Variants in RBFOX1 observed in about 807,000 individuals in gnomAD.
The protein encoded by RBFOX1 is RNA binding protein fox-1 homolog 1.
RBFOX1 carries 8 observed loss-of-function variants against 57.7 expected under a neutral mutation model. The observed-to-expected ratio is 0.14, with a 90% CI of 0.08 to 0.25. RBFOX1 has a LOEUF of 0.25. Among genes scored for constraint, RBFOX1 ranks in the 10% least tolerant of loss-of-function variants. The probability of loss-of-function intolerance (pLI) is 1.00; values close to 1 mark genes in which losing one functional copy is unlikely to be tolerated. For missense variants in RBFOX1, 611 were observed against 548.5 expected (o/e 1.11, Z -1.14); for synonymous variants, 326 against 222.4 (o/e 1.47, Z -4.15).
At chr16:7,679,822 G>A (rs1597917919) in intron 14 of RBFOX1, among the ~76,000 whole-genome samples, 1 of 152,008 alleles carries the variant, frequency 6.6e-6, no homozygotes, top group Non-Finnish European at 1.5e-5. Context: ...AGACCATCTG[G>A]TGTGGGCAGA....
rs562474272 is a variant in RBFOX1, at chr16:7,346,198, G to T, written c.28-171949G>T. On this transcript the variant is annotated intron_variant, in intron 4 of 15. Transcript: ENST00000550418. ...ATGCATAGTATTCCATGGTGTATATGTGCGACATTTTCTTAATCCAGTCTG... is the reference window on the plus strand; with the variant it reads ...ATGCATAGTATTCCATGGTGTATATTTGCGACATTTTCTTAATCCAGTCTG... 4.6e-5 allele frequency among the ~76,000 whole-genome samples: 7 copies of T among 152,198 alleles called. No individual in the cohort carries two copies. The East Asian group carries it at 1.4e-3, about 30-fold the overall frequency.
chr16:6,650,809 C>T (rs1030409750), intron 2 of RBFOX1, among the ~76,000 whole-genome samples: 2 of 152,142 alleles, frequency 1.3e-5, no homozygotes, highest in African/African-American at 4.8e-5. Context: ...GATGCATCCG[C>T]AGAGAAAACC....
chr16:5,405,173 A>G (rs1189660381), intron 1 of RBFOX1, among the ~76,000 whole-genome samples: 1 of 152,174 alleles, frequency 6.6e-6, no homozygotes, highest in Non-Finnish European at 1.5e-5. Context: ...TGGTGTGCCC[A>G]GGGTGGGCCA....
chr16:6,019,763 C>T lies in RBFOX1; in HGVS notation c.-356C>T. 1 of 1,404,536 alleles carries T rather than the reference C, an allele frequency of 7.1e-7. No individual in the cohort carries two copies. The highest frequency in any genetic ancestry group is 9.3e-7 in the Non-Finnish European group (1 of 1,078,456). The allele number at this position is 1,404,536 out of a possible 1,614,324, so 87.0% of individuals were successfully genotyped here. A position where few individuals can be genotyped will look rare whatever the true frequency, so the allele number is the denominator to read the frequency against. On this transcript the variant is annotated 5_prime_UTR_variant, in exon 1 of 16. Transcript: ENST00000550418. This position sits in a 1 kb window ranked among gnomAD's most constrained non-coding sequence, Gnocchi z 4.2. ...AGAGTCCTTGCGCTCCAGACCCCCA[C>T]CCAGTGGCCGCCAGGGTCCCCGCCT...
chr16:7,416,879 C>T (rs2098483251), intron 4 of RBFOX1, among the ~76,000 whole-genome samples: 1 of 152,106 alleles, frequency 6.6e-6, no homozygotes, highest in African/African-American at 2.4e-5. Flanking sequence ...TCCCCGACAA[C>T]AACCCTCTGA....
chr16:6,853,668 C>G (rs2057266057), intron 3 of RBFOX1, among the ~76,000 whole-genome samples: 2 of 152,254 alleles, frequency 1.3e-5, no homozygotes, highest in South Asian at 4.1e-4. Context: ...TGTATGGAGG[C>G]TAATTTGTGA....
At chr16:7,333,127 G>T (rs772817952) in intron 4 of RBFOX1, 2 of 1,566,634 alleles carry the variant, frequency 1.3e-6, no homozygotes, top group East Asian at 2.2e-5. Context: ...CTTAACTCCA[G>T]AGTGCTCAGA....
chr16:7,417,772 G>C lies in RBFOX1; in HGVS notation c.28-100375G>C, dbSNP rs149798933. Among the ~76,000 whole-genome samples the C allele has an allele frequency of 4.3e-3, 650 of 152,218 alleles. 4 individuals carry two copies. Among genetic ancestry groups the C allele is most frequent in the South Asian group, 0.016 (78 of 4,824 alleles). On this transcript the variant is annotated intron_variant, in intron 4 of 15. Transcript: ENST00000550418. ...ATGCTATATAAAAAGTATGTGAAAG[G>C]CTTCATGTTGGTCACCCTCTGTGCA...
chr16:6,585,782 TTTTC>T (rs1441658775), intron 2 of RBFOX1, among the ~76,000 whole-genome samples: 1 of 152,188 alleles, frequency 6.6e-6, no homozygotes, highest in Non-Finnish European at 1.5e-5. Context: ...AATTTAGTTT[TTTTC>T]TTCTTTCTTT....
At chr16:5,481,812 G>C (rs961429755) in intron 2 of RBFOX1, among the ~76,000 whole-genome samples, 1 of 152,306 alleles carries the variant, frequency 6.6e-6, no homozygotes, top group South Asian at 2.1e-4. Flanking sequence ...GTGGCTTGTA[G>C]ATGATCTGCC....
At chr16:7,332,596 G>A (rs2096712512) in intron 4 of RBFOX1, among the ~76,000 whole-genome samples, 2 of 151,876 alleles carry the variant, frequency 1.3e-5, no homozygotes. Context: ...TTGCTCTTTT[G>A]GCCAAATTCA....
rs554843076 is a variant in RBFOX1, at chr16:7,642,939, G to A, written c.758-10876G>A. Among the ~76,000 whole-genome samples the A allele has an allele frequency of 8.8e-4, 134 of 152,292 alleles. 2 individuals carry two copies. The highest frequency in any genetic ancestry group is 3.2e-3 in the African/African-American group (131 of 41,568). Reference sequence around the variant, plus strand: ...GTTACAAAAATCCTGCCCGGCGGGGGAAATTGTCGATACCTGTGAGTAGGC... The same window carrying A: ...GTTACAAAAATCCTGCCCGGCGGGGAAAATTGTCGATACCTGTGAGTAGGC... On this transcript the variant is annotated intron_variant, in intron 11 of 15. Transcript: ENST00000550418.
intron 4 of RBFOX1, among the ~76,000 whole-genome samples, chr16:7,456,730 C>T (rs2058586488): frequency 6.6e-6 from 1 of 152,088 alleles, no homozygotes; most frequent in Non-Finnish European, 1.5e-5. Flanking sequence ...GTAGAATCGC[C>T]ACCTATGGCT....
intron 2 of RBFOX1, among the ~76,000 whole-genome samples, chr16:5,478,646 G>A (rs1038352791): frequency 6.6e-6 from 1 of 152,178 alleles, no homozygotes; most frequent in African/African-American, 2.4e-5. Context: ...GGTAGCATCT[G>A]CTTATCTTTC....
chr16:5,898,054 G>A (rs1264351343), intron 4 of RBFOX1, among the ~76,000 whole-genome samples: 1 of 152,060 alleles, frequency 6.6e-6, no homozygotes, highest in African/African-American at 2.4e-5. Flanking sequence ...CTTCTTGACT[G>A]GGTAGGCCTC....
rs553941798 is a variant in RBFOX1, at chr16:6,916,775, C to T, written c.-15-135282C>T. ...TTTTCTACCACCCACTTAAACTTTT[C>T]CCATCTTTGAAGGCTGAGTTCAAAC... On this transcript the variant is annotated intron_variant, in intron 3 of 15. Transcript: ENST00000550418. 3.3e-5 allele frequency among the ~76,000 whole-genome samples: 5 copies of T among 152,256 alleles called. No individual in the cohort carries two copies. In the East Asian group the frequency reaches 7.7e-4, roughly 24 times the overall value.
intron 1 of RBFOX1, among the ~76,000 whole-genome samples, chr16:5,384,504 C>CAG (rs771529506): frequency 4.6e-5 from 7 of 152,056 alleles, no homozygotes; most frequent in South Asian, 2.1e-4. Context: ...AGGAGTTTAC[C>CAG]AGAGAGAGCA....
chr16:7,503,255 G>A (rs973098368), intron 4 of RBFOX1, among the ~76,000 whole-genome samples: 5 of 152,090 alleles, frequency 3.3e-5, no homozygotes, highest in East Asian at 1.9e-4. Context: ...GTGGGATACC[G>A]TAGTCAGCAA....
chr16:5,901,289 A>G (rs2058300049), intron 4 of RBFOX1, among the ~76,000 whole-genome samples: 1 of 152,114 alleles, frequency 6.6e-6, no homozygotes, highest in South Asian at 2.1e-4. Flanking sequence ...TCTTTGAAAC[A>G]ATTTTATGCT....
Sources: allele counts gnomAD v4.1 joint callset (sites outside exome capture counted in the v4.1 genomes callset), GRCh38; gene constraint gnomAD v4.1.1; non-coding constraint Gnocchi (gnomAD v3.1); transcripts MANE v1.5; gene names NCBI Gene and HGNC (gene_info 2026-07-23, HGNC 2026-07-21).